The following SAMD12 variants were observed in gnomAD, a reference collection of about 807,000 sequenced individuals.
SAMD12 encodes sterile alpha motif domain containing 12.
A neutral mutation model predicts 15.0 loss-of-function variants in SAMD12; 9 were observed. The observed-to-expected ratio is 0.60, with a 90% confidence interval of 0.36 to 1.05. The LOEUF is 1.05. SAMD12 is among the 50% of genes least tolerant of loss of function. SAMD12 has a pLI of 0.01. For missense variants in SAMD12, 230 were observed against 234.2 expected (o/e 0.98, Z 0.12); for synonymous variants, 86 against 90.1 (o/e 0.96, Z 0.25).
intron 2 of SAMD12, among the ~76,000 whole-genome samples, chr8:118,467,254 C>T (rs570838684): frequency 1.3e-5 from 2 of 152,202 alleles, no homozygotes; most frequent in South Asian, 2.1e-4. Flanking sequence ...GGTTCAAATC[C>T]CAGCTTGACA....
At chr8:118,331,462 T>A (rs1816802576) in intron 4 of SAMD12, among the ~76,000 whole-genome samples, 1 of 152,114 alleles carries the variant, frequency 6.6e-6, no homozygotes. Flanking sequence ...GACAAAGAAA[T>A]AGGGCCCCTG....
intron 4 of SAMD12, among the ~76,000 whole-genome samples, chr8:118,201,231 T>A (rs1337881385): frequency 1.3e-5 from 2 of 152,200 alleles, no homozygotes; most frequent in Non-Finnish European, 2.9e-5. Flanking sequence ...GCTTCAGCCA[T>A]CCCAGCCTCC....
At chr8:118,230,807 C>T (rs139607917) in intron 4 of SAMD12, among the ~76,000 whole-genome samples, 22 of 152,100 alleles carry the variant, frequency 1.4e-4, no homozygotes, top group East Asian at 5.8e-4. Context: ...GCACAGTGAG[C>T]GAGCGGGAGA....
intron 3 of SAMD12, among the ~76,000 whole-genome samples, chr8:118,433,993 C>G (rs991528688): frequency 3.9e-5 from 6 of 152,164 alleles, no homozygotes; most frequent in Non-Finnish European, 8.8e-5. Context: ...GGAACTCTAA[C>G]CATAATAAAA....
intron 2 of SAMD12, among the ~76,000 whole-genome samples, chr8:118,541,456 A>G (rs2131149978): frequency 6.6e-6 from 1 of 152,340 alleles, no homozygotes; most frequent in African/African-American, 2.4e-5. Flanking sequence ...TCTATAAAGG[A>G]CCCAACAGTA....
At chr8:118,220,963 G>A (rs972256702) in intron 4 of SAMD12, among the ~76,000 whole-genome samples, 4 of 151,928 alleles carry the variant, frequency 2.6e-5, no homozygotes, top group African/African-American at 9.7e-5. Flanking sequence ...ATGAGAAGAC[G>A]TGTGGTGGAA....
At chr8:118,298,431 T>A (rs17432720) in intron 4 of SAMD12, among the ~76,000 whole-genome samples, 12,949 of 152,158 alleles carry the variant, frequency 0.085, 1,044 homozygotes, top group East Asian at 0.38. Flanking sequence ...GAATTTTTTT[T>A]AAAAAGATGT....
chr8:118,272,552 G>T (rs555526172), intron 4 of SAMD12, among the ~76,000 whole-genome samples: 1 of 152,080 alleles, frequency 6.6e-6, no homozygotes, highest in African/African-American at 2.4e-5. Context: ...CAGAAAATGG[G>T]GTTTTCTTTT....
intron 2 of SAMD12, among the ~76,000 whole-genome samples, chr8:118,526,847 G>A (rs1282467894): frequency 6.6e-6 from 1 of 152,174 alleles, no homozygotes; most frequent in Non-Finnish European, 1.5e-5. Context: ...GAAGACGTAT[G>A]CTGATCTGCA....
At chr8:118,519,389 T>G (rs1297609883) in intron 2 of SAMD12, among the ~76,000 whole-genome samples, 1 of 152,170 alleles carries the variant, frequency 6.6e-6, no homozygotes, top group African/African-American at 2.4e-5. Context: ...CCCTAAATAA[T>G]AAAAGCTTAA....
At chr8:118,343,279 ATC>A (rs1817464077) in intron 4 of SAMD12, among the ~76,000 whole-genome samples, 2 of 152,026 alleles carry the variant, frequency 1.3e-5, no homozygotes, top group Admixed American at 1.3e-4. Context: ...GATCTCAGGG[ATC>A]TCTTTCTCTT....
chr8:118,161,202 AT>A, the SAMD12 span, among the ~76,000 whole-genome samples: 1 of 152,214 alleles, frequency 6.6e-6, no homozygotes, highest in African/African-American at 2.4e-5. Flanking sequence ...GTTGTTGGAC[AT>A]TTAGGTTGGT....
chr8:118,430,389 A>C (rs1586709920), intron 3 of SAMD12, among the ~76,000 whole-genome samples: 1 of 144,432 alleles, frequency 6.9e-6, no homozygotes. Context: ...TTTTTGATGG[A>C]GTCTCGCTCT....
chr8:118,243,374 T>C (rs1190981940), intron 4 of SAMD12, among the ~76,000 whole-genome samples: 2 of 151,874 alleles, frequency 1.3e-5, no homozygotes, highest in Non-Finnish European at 2.9e-5. Flanking sequence ...GCCGAAAAAA[T>C]GGTATGCCAT....
intron 4 of SAMD12, among the ~76,000 whole-genome samples, chr8:118,340,464 T>G (rs1295659051): frequency 6.6e-6 from 1 of 152,164 alleles, no homozygotes; most frequent in African/African-American, 2.4e-5. Context: ...ATGTATATTA[T>G]TATTTTTAAT....
chr8:118,543,648 T>TA (rs1826047573), intron 2 of SAMD12, among the ~76,000 whole-genome samples: 1 of 140,494 alleles, frequency 7.1e-6, no homozygotes, highest in Non-Finnish European at 1.5e-5. Flanking sequence ...TTTTTTTTTT[T>TA]AGCTCACCAG....
At chr8:118,408,968 G>A (rs1296501176) in intron 3 of SAMD12, among the ~76,000 whole-genome samples, 3 of 151,924 alleles carry the variant, frequency 2.0e-5, no homozygotes, top group Non-Finnish European at 2.9e-5. Context: ...GTGCACTCTC[G>A]GCCCACTCCA....
intron 2 of SAMD12, among the ~76,000 whole-genome samples, chr8:118,489,144 T>C (rs1399194013): frequency 6.6e-6 from 1 of 152,202 alleles, no homozygotes; most frequent in African/African-American, 2.4e-5. Context: ...TACCCCCCTT[T>C]TGTGAAGTGC....
intron 2 of SAMD12, among the ~76,000 whole-genome samples, chr8:118,447,551 C>T (rs866137817): frequency 5.3e-5 from 8 of 152,028 alleles, no homozygotes; most frequent in Non-Finnish European, 2.9e-5. Flanking sequence ...GATTTGCCTG[C>T]CTCGGCCTCC....
Sources: gnomAD v4.1 joint callset for allele counts (sites outside exome capture counted in the v4.1 genomes callset) on GRCh38, gnomAD v4.1.1 for gene constraint, MANE v1.5 for transcripts, NCBI Gene and HGNC (gene_info 2026-07-23, HGNC 2026-07-21) for gene names.